FBXL13: variants seen among roughly 807,000 people sequenced by gnomAD.
FBXL13 encodes F-box and leucine-rich repeat protein 13.
Under a neutral mutation model 83.6 loss-of-function variants are expected in FBXL13, and 67 were observed. The observed-to-expected ratio is 0.80, with a 90% CI of 0.66 to 0.98. The LOEUF (loss-of-function observed/expected upper bound fraction) is 0.98. Ranked by LOEUF, FBXL13 falls within the 50% of genes least tolerant of loss-of-function variation. FBXL13 has a pLI of 0.00. For missense variants in FBXL13, 822 were observed against 866.5 expected (o/e 0.95, Z 0.64); for synonymous variants, 272 against 299.5 (o/e 0.91, Z 0.95).
chr7:102,981,384 C>T (rs1342762137), intron 6 of FBXL13, among the ~76,000 whole-genome samples: 1 of 149,096 alleles, frequency 6.7e-6, no homozygotes, highest in African/African-American at 2.5e-5. Context: ...TACCCATCTC[C>T]CATTGCCTGC....
At chr7:103,010,770 C>A (rs567025647) in intron 6 of FBXL13, among the ~76,000 whole-genome samples, 1 of 152,306 alleles carries the variant, frequency 6.6e-6, no homozygotes, top group African/African-American at 2.4e-5. Context: ...TGTTCCCCAG[C>A]AATCTCATGT....
At chr7:103,016,383 T>G (rs1378862196) in intron 6 of FBXL13, among the ~76,000 whole-genome samples, 2 of 147,592 alleles carry the variant, frequency 1.4e-5, no homozygotes, top group East Asian at 4.0e-4. Flanking sequence ...GCTCCCAGGG[T>G]GAGTGACGCA....
intron 11 of FBXL13, among the ~76,000 whole-genome samples, chr7:102,886,379 A>G (rs1810795505): frequency 6.6e-6 from 1 of 152,082 alleles, no homozygotes; most frequent in Non-Finnish European, 1.5e-5. Context: ...GCCACCTCTC[A>G]CTAAAGGTGA....
At chr7:102,914,167 G>A (rs1815343215) in intron 10 of FBXL13, among the ~76,000 whole-genome samples, 1 of 152,152 alleles carries the variant, frequency 6.6e-6, no homozygotes, top group Admixed American at 6.5e-5. Context: ...CCCAACCCCT[G>A]GTTCAAGCGA....
At chr7:102,825,125 TC>T (rs1178459431) in intron 18 of FBXL13, among the ~76,000 whole-genome samples, 2 of 152,232 alleles carry the variant, frequency 1.3e-5, no homozygotes, top group African/African-American at 4.8e-5. Context: ...TACAGTCTTT[TC>T]CAAGTTTTGG....
At chr7:102,964,252 A>C (rs1274856059) in intron 7 of FBXL13, among the ~76,000 whole-genome samples, 2 of 151,736 alleles carry the variant, frequency 1.3e-5, no homozygotes, top group South Asian at 2.1e-4. Context: ...TGGAGGTTGC[A>C]GTGAGCTGAG....
chr7:102,937,550 C>A (rs1180378744), intron 8 of FBXL13, among the ~76,000 whole-genome samples: 3 of 149,504 alleles, frequency 2.0e-5, no homozygotes, highest in African/African-American at 7.4e-5. Flanking sequence ...TCTTTTAATA[C>A]TATCAGTACA....
intron 11 of FBXL13, among the ~76,000 whole-genome samples, chr7:102,907,189 G>A (rs1813893666): frequency 6.6e-6 from 1 of 151,870 alleles, no homozygotes; most frequent in South Asian, 2.1e-4. Flanking sequence ...GCCAGGCTGT[G>A]TTATTTCCCT....
intron 19 of FBXL13, chr7:102,816,391 A>G (rs1395681500): frequency 6.6e-6 from 1 of 152,250 alleles, no homozygotes; most frequent in African/African-American, 2.4e-5. Context: ...TTAGAGAGCT[A>G]TGGATACTAG....
chr7:102,937,503 T>C (rs1211442760), intron 8 of FBXL13, among the ~76,000 whole-genome samples: 1 of 29,202 alleles, frequency 3.4e-5, no homozygotes, highest in Non-Finnish European at 7.9e-5. Flanking sequence ...CAAGACTCTG[T>C]CTCAAAAAAA....
chr7:102,934,062 C>G, intron 8 of FBXL13: 3 of 1,614,188 alleles, frequency 1.9e-6, no homozygotes, highest in Non-Finnish European at 2.5e-6. Flanking sequence ...CGCTACGCAC[C>G]AGGCCTCCCG....
chr7:103,043,522 A>C (rs752310681), intron 2 of FBXL13, among the ~76,000 whole-genome samples: 1 of 152,202 alleles, frequency 6.6e-6, no homozygotes, highest in Non-Finnish European at 1.5e-5. Flanking sequence ...AGACACATGC[A>C]CACGTATGTT....
intron 8 of FBXL13, chr7:102,942,414 CATT>C: frequency 4.5e-6 from 6 of 1,333,780 alleles, no homozygotes; most frequent in Admixed American, 2.4e-5. Context: ...AAATGCCAGA[CATT>C]GTTGTGGAAA....
exon 13 of FBXL13, chr7:102,883,683 A>T: frequency 6.4e-7 from 1 of 1,572,936 alleles, no homozygotes; most frequent in Non-Finnish European, 8.7e-7. Flanking sequence ...TTTCAACTAA[A>T]GCCTTTAGAA....
chr7:102,854,086 G>T, intron 17 of FBXL13, among the ~76,000 whole-genome samples: 1 of 152,012 alleles, frequency 6.6e-6, no homozygotes, highest in East Asian at 1.9e-4. Context: ...GTTTATTGTG[G>T]CGCTATTCAC....
At chr7:102,834,450 T>C (rs1801492785) in intron 17 of FBXL13, among the ~76,000 whole-genome samples, 2 of 112,040 alleles carry the variant, frequency 1.8e-5, no homozygotes, top group Admixed American at 8.4e-5. Flanking sequence ...ATTATATATA[T>C]GTGATTATAT....
chr7:103,046,200 G>A (rs553398505), intron 2 of FBXL13, among the ~76,000 whole-genome samples: 101 of 150,218 alleles, frequency 6.7e-4, no homozygotes, highest in African/African-American at 2.3e-3. Flanking sequence ...TATAATCTAC[G>A]TTTGATGTAT....
intron 8 of FBXL13, among the ~76,000 whole-genome samples, chr7:102,946,649 ATTT>A (rs981622162): frequency 8.0e-6 from 1 of 125,770 alleles, no homozygotes; most frequent in Admixed American, 9.0e-5. Context: ...TTCTATTTTT[ATTT>A]TATTTATTTA....
intron 16 of FBXL13, among the ~76,000 whole-genome samples, chr7:102,867,695 A>ATATATATATT (rs1239781180): frequency 1.0e-4 from 5 of 49,078 alleles, no homozygotes; most frequent in African/African-American, 6.1e-4. Flanking sequence ...ATATATATAT[A>ATATATATATT]TTTTTTTTTT....
Sources: allele counts gnomAD v4.1 joint callset (sites outside exome capture counted in the v4.1 genomes callset), GRCh38; gene constraint gnomAD v4.1.1; transcripts MANE v1.5; gene names NCBI Gene and HGNC (gene_info 2026-07-23, HGNC 2026-07-21).